The following MTA3 variants were observed in gnomAD, a reference collection of about 807,000 sequenced individuals.
The protein encoded by MTA3 is metastasis-associated protein MTA3.
Under a neutral mutation model 83.5 loss-of-function variants are expected in MTA3, and 34 were observed. The observed-to-expected ratio is 0.41, with a 90% CI of 0.31 to 0.54. The LOEUF (loss-of-function observed/expected upper bound fraction) is 0.54. Among genes scored for constraint, MTA3 ranks in the 20% least tolerant of loss-of-function variants. The pLI is 0.33. For synonymous variants in MTA3, 303 were observed against 252.7 expected, an observed-to-expected ratio of 1.20 and a Z score of -1.89; for missense variants, 761 against 726.4, an observed-to-expected ratio of 1.05 and a Z score of -0.55.
At chr2:42,527,745 C>T (rs899533801) in intron 2 of MTA3, among the ~76,000 whole-genome samples, 2 of 151,676 alleles carry the variant, frequency 1.3e-5, no homozygotes, top group African/African-American at 4.8e-5. Flanking sequence ...GTTTCAGCTA[C>T]TCAAGACACT....
intron 2 of MTA3, among the ~76,000 whole-genome samples, chr2:42,540,728 G>C (rs1676480871): frequency 6.6e-6 from 1 of 151,428 alleles, no homozygotes; most frequent in Non-Finnish European, 1.5e-5. Flanking sequence ...CTACCTACTT[G>C]GAAGGCTGAG....
intron 6 of MTA3, among the ~76,000 whole-genome samples, chr2:42,650,132 T>G (rs186254701): frequency 6.6e-6 from 1 of 152,316 alleles, no homozygotes; most frequent in African/African-American, 2.4e-5. Context: ...TAAGAATTGT[T>G]TAAGCAGGTA....
intron 2 of MTA3, among the ~76,000 whole-genome samples, chr2:42,520,754 C>T (rs548545414): frequency 2.6e-5 from 4 of 152,042 alleles, no homozygotes; most frequent in African/African-American, 9.6e-5. Flanking sequence ...TTTGTAGAGA[C>T]AGGGTCTCCC....
At chr2:42,629,390 C>CTT (rs1028680742) in intron 4 of MTA3, among the ~76,000 whole-genome samples, 1 of 152,084 alleles carries the variant, frequency 6.6e-6, no homozygotes, top group African/African-American at 2.4e-5. Flanking sequence ...ATAGAGCAGT[C>CTT]TTTTTTTGTT....
chr2:42,755,611 T>A lies in MTA3; in HGVS notation c.*2212T>A, dbSNP rs1224109968. The A allele has an allele frequency of 1.0e-6, 1 of 985,496 alleles. No individual in the cohort carries two copies. Among genetic ancestry groups the A allele is most frequent in the African/African-American group, 1.7e-5 (1 of 57,230 alleles). 61.0% of individuals were successfully genotyped at this position (985,496 alleles called of 1,614,324 possible). A position where few individuals can be genotyped will look rare whatever the true frequency, so the allele number is the denominator to read the frequency against. ...CCCTTTGTCTCTGGAAACTGCCCCC[T>A]CGTTCTGACAGAATCCCCCAGGCAA... is the stretch of plus-strand genomic sequence containing the variant. On this transcript the variant is annotated 3_prime_UTR_variant, in exon 17 of 17. Coordinates refer to ENST00000405094, the MANE Select transcript of MTA3 (RefSeq NM_001330442.2).
intron 8 of MTA3, among the ~76,000 whole-genome samples, chr2:42,676,756 A>G (rs984049323): frequency 6.6e-6 from 1 of 152,194 alleles, no homozygotes; most frequent in Non-Finnish European, 1.5e-5. Context: ...ACAGAGTGAG[A>G]CCCTGTCTCC....
chr2:42,524,836 A>AG (rs1675606623), intron 2 of MTA3, among the ~76,000 whole-genome samples: 1 of 147,256 alleles, frequency 6.8e-6, no homozygotes, highest in Non-Finnish European at 1.5e-5. Context: ...CCAAAAAAAA[A>AG]AAAAGAAAAA....
At chr2:42,548,809 A>AAAAATATATATATATAT (rs1298618747) in intron 2 of MTA3, among the ~76,000 whole-genome samples, 8 of 45,622 alleles carry the variant, frequency 1.8e-4, no homozygotes, top group Middle Eastern at 0.017. Flanking sequence ...TCTCAAAAAA[A>AAAAATATATATATATAT]AATATATATA....
At chr2:42,517,973 G>A (rs927816138) in intron 2 of MTA3, among the ~76,000 whole-genome samples, 12 of 152,006 alleles carry the variant, frequency 7.9e-5, no homozygotes, top group African/African-American at 2.9e-4. Flanking sequence ...ATCACCTGAG[G>A]TCAGGAGTTC....
intron 4 of MTA3, among the ~76,000 whole-genome samples, chr2:42,630,439 C>G (rs981750252): frequency 6.6e-6 from 1 of 152,122 alleles, no homozygotes; most frequent in African/African-American, 2.4e-5. Context: ...GTGTTTTAGT[C>G]TTAGGTGTAC....
At chr2:42,709,401 T>A in intron 14 of MTA3, 1 of 868,326 alleles carries the variant, frequency 1.2e-6, no homozygotes, top group Non-Finnish European at 1.5e-6. Flanking sequence ...TGCAGAGCCC[T>A]TATTGAAGCA....
In MTA3 at chr2:42,514,615, C is replaced by G. The variant is rs1249025544; in HGVS notation, c.-141+19361C>G. Among the ~76,000 whole-genome samples, 10 of 151,052 alleles carry G rather than the reference C, an allele frequency of 6.6e-5. No individual in the cohort carries two copies. In the East Asian group the frequency reaches 9.7e-4, roughly 15 times the overall value. On this transcript the variant is annotated intron_variant, in intron 2 of 17. Coordinates refer to the MTA3 transcript ENST00000405592. The stretch of plus-strand genomic sequence containing the variant: ...GCCAAGCTGCTCTCAAACTCTTGAC[C>G]TCAAGCGATCTGCCCACCTCGGGCT...
In MTA3 at chr2:42,708,048, T is replaced by A; in HGVS notation, c.1296T>A (p.Thr432=). Residue 432 remains threonine, a synonymous_variant, in exon 13 of 17, where the codon ACT becomes ACA. Coordinates refer to ENST00000405094, the MANE Select transcript of MTA3 (RefSeq NM_001330442.2). ...SEEEKLSPSP[T]TEDPRVRSHV... is the part of the protein sequence containing the mutation. ...AAGAGAAGTTATCTCCTAGCCCAAC[T>A]ACAGAGGTACAGTAGTCTTTTTAGT... is the stretch of plus-strand genomic sequence containing the variant. The A allele has an allele frequency of 6.2e-7, 1 of 1,604,606 alleles. No individual in the cohort carries two copies. The highest frequency in any genetic ancestry group is 1.1e-5 in the South Asian group (1 of 88,692).
chr2:42,685,186 TTAAC>T (rs1692254889), intron 9 of MTA3, among the ~76,000 whole-genome samples: 1 of 152,186 alleles, frequency 6.6e-6, no homozygotes, highest in South Asian at 2.1e-4. Flanking sequence ...TCAGATAAAA[TTAAC>T]TATGAAAATG....
upstream of MTA3, chr2:42,494,430 G>A (rs1286411006): frequency 6.6e-6 from 1 of 152,360 alleles, no homozygotes; most frequent in Non-Finnish European, 1.5e-5. Flanking sequence ...GCCCAGCTCG[G>A]GTTCTGACAT....
intron 5 of MTA3, among the ~76,000 whole-genome samples, chr2:42,640,967 C>T (rs1424017567): frequency 3.3e-5 from 5 of 152,128 alleles, no homozygotes; most frequent in Admixed American, 1.3e-4. Flanking sequence ...AACGCAGTGA[C>T]GTGATCTTGA....
intron 5 of MTA3, among the ~76,000 whole-genome samples, chr2:42,643,180 A>G (rs79427965): frequency 0.014 from 2,124 of 150,878 alleles, 51 homozygotes; most frequent in African/African-American, 0.048. Context: ...GTATGTAAGA[A>G]CTCCCATAGG....
rs551195196 is a variant in MTA3, at chr2:42,674,943, CTG to C, written c.703-7455_703-7454del. Among the ~76,000 whole-genome samples, 568 of 151,148 alleles carry C rather than the reference CTG, an allele frequency of 3.8e-3. 3 individuals are homozygous for C. Among genetic ancestry groups the C allele is most frequent in the African/African-American group, 0.013 (540 of 41,312 alleles). ...TTTTTTTTAATATAGGCACTCAACA[CTG>C]TGCCCAGCTAATTAAAATTTTTTAA... On this transcript the variant is annotated intron_variant, in intron 8 of 16. Coordinates refer to ENST00000405094, the MANE Select transcript of MTA3 (RefSeq NM_001330442.2).
At chr2:42,645,244 G>C (rs562347973) in intron 6 of MTA3, among the ~76,000 whole-genome samples, 1 of 151,228 alleles carries the variant, frequency 6.6e-6, no homozygotes, top group Non-Finnish European at 1.5e-5. Context: ...AGCAAAACAG[G>C]CTGGGTGCAG....
Sources: gnomAD v4.1 joint callset for allele counts (sites outside exome capture counted in the v4.1 genomes callset) on GRCh38, gnomAD v4.1.1 for gene constraint, MANE v1.5 for transcripts, NCBI Gene and HGNC (gene_info 2026-07-23, HGNC 2026-07-21) for gene names.